The following MROH2B variants were observed in gnomAD, a reference collection of about 807,000 sequenced individuals.
The protein encoded by MROH2B is maestro heat-like repeat-containing protein family member 2B.
A neutral mutation model predicts 208.6 loss-of-function variants in MROH2B; 177 were observed. That is an observed-to-expected ratio of 0.85 (90% confidence interval 0.75 to 0.96). MROH2B has a LOEUF of 0.96. Ranked by LOEUF, MROH2B falls within the 40% of genes least tolerant of loss-of-function variation. The pLI is 0.00. For synonymous variants in MROH2B, 728 were observed against 659.0 expected, an observed-to-expected ratio of 1.10 and a Z score of -1.60; for missense variants, 2,002 against 1,878.7, an observed-to-expected ratio of 1.07 and a Z score of -1.21.
chr5:41,069,670 AT>A lies in MROH2B; in HGVS notation c.90+20del, dbSNP rs1466284295. On this transcript the variant is annotated intron_variant, in intron 2 of 41. Transcript: ENST00000399564. Reference sequence around the variant, plus strand: ...CAAGAAGACTGAAAAAGGGAAAAAGATTTTTCTCTGTTTTCCCTACCTTGTT... The same window carrying A: ...CAAGAAGACTGAAAAAGGGAAAAAGATTTTCTCTGTTTTCCCTACCTTGTT... 7.0e-6 allele frequency: 11 copies of A among 1,572,014 alleles called. 1 individual carries two copies. The African/African-American group carries it at 1.1e-4, about 15-fold the overall frequency.
Position 41,012,729 on chromosome 5 carries a change from T to G in MROH2B, c.2989A>C (p.Ser997Arg). The G allele has an allele frequency of 2.5e-6, 4 of 1,613,336 alleles. No individual in the cohort carries two copies. The highest frequency in any genetic ancestry group is 3.4e-6 in the Non-Finnish European group (4 of 1,179,640). Residue 997 changes from serine (S) to arginine (R), a missense_variant, in exon 30 of 42, where the codon AGT becomes CGT. Transcript: ENST00000399564. ...KISSKIAKIV[S>R]KFIPNEEILM... Reference sequence around the variant, plus strand: ...ATTTCTTCATTTGGGATGAACTTACTGACAATCTGAAAATGCACCCAGAAA... The same window carrying G: ...ATTTCTTCATTTGGGATGAACTTACGGACAATCTGAAAATGCACCCAGAAA...
rs536981398 is a variant in MROH2B, at chr5:41,026,089, A to G, written c.2441+6653T>C. The stretch of plus-strand genomic sequence containing the variant: ...ACGCCCAGCCAATATCATACGAATG[A>G]GCAAAAACTGGAAGCATTCCCTTTG... On this transcript the variant is annotated intron_variant, in intron 24 of 41. Coordinates refer to ENST00000399564, the MANE Select transcript of MROH2B (RefSeq NM_173489.5). 8.3e-4 allele frequency among the ~76,000 whole-genome samples: 127 copies of G among 152,158 alleles called. No homozygotes were observed. The South Asian group carries it at 8.7e-3, about 10-fold the overall frequency.
intron 24 of MROH2B, among the ~76,000 whole-genome samples, chr5:41,021,186 C>T (rs1467599418): frequency 6.6e-6 from 1 of 152,188 alleles, no homozygotes; most frequent in East Asian, 1.9e-4. Flanking sequence ...AGGAAATGAA[C>T]AATTTCATTT....
intron 18 of MROH2B, among the ~76,000 whole-genome samples, chr5:41,043,215 G>T (rs1426039564): frequency 2.0e-5 from 3 of 152,170 alleles, no homozygotes; most frequent in Non-Finnish European, 2.9e-5. Context: ...GGGGCATAAA[G>T]TTAAAAAGAG....
chr5:40,998,478 C>T (rs1438017336), intron 41 of MROH2B, 134 bp downstream of exon 41: 2 of 735,022 alleles, frequency 2.7e-6, no homozygotes, highest in Non-Finnish European at 4.5e-6. Context: ...ATTCTAGTGT[C>T]TAGAGAGCAT....
intron 7 of MROH2B, among the ~76,000 whole-genome samples, chr5:41,057,574 T>TTTTTTTTTTTTTA (rs1561304757): frequency 1.4e-5 from 2 of 142,728 alleles, no homozygotes; most frequent in African/African-American, 2.6e-5. Context: ...TTTTTTTTTT[T>TTTTTTTTTTTTTA]GAGACGGAGT....
chr5:41,019,108 A>T (rs1358020855), intron 24 of MROH2B, 90 bp from the exon 25 acceptor site: 2 of 1,510,658 alleles, frequency 1.3e-6, no homozygotes, highest in Non-Finnish European at 1.8e-6. Flanking sequence ...ATCACATCTG[A>T]CCAGGCAACT....
Position 40,999,332 on chromosome 5 carries a change from T to A in MROH2B, c.4585+345A>T, listed in dbSNP as rs1480103122. Among the ~76,000 whole-genome samples, 4 of 152,118 alleles carry A rather than the reference T, an allele frequency of 2.6e-5. No individual in the cohort carries two copies. The East Asian group carries it at 7.7e-4, about 29-fold the overall frequency. On this transcript the variant is annotated intron_variant, in intron 40 of 41. Transcript: ENST00000399564. Reference sequence around the variant, plus strand: ...AGCTTTGGATGTTGAGTATGGGTTATCTTATGGGATGAGGTGAAGAAGTGT... The same window carrying A: ...AGCTTTGGATGTTGAGTATGGGTTAACTTATGGGATGAGGTGAAGAAGTGT...
chr5:41,037,505 T>C (rs2150169480), intron 21 of MROH2B, among the ~76,000 whole-genome samples: 1 of 152,288 alleles, frequency 6.6e-6, no homozygotes, highest in South Asian at 2.1e-4. Context: ...CTTATGCAAC[T>C]AAGGTGTGAG....
chr5:41,002,546 T>G (rs1177815153), intron 37 of MROH2B, among the ~76,000 whole-genome samples: 1 of 152,180 alleles, frequency 6.6e-6, no homozygotes, highest in Non-Finnish European at 1.5e-5. Flanking sequence ...TTAATCTACA[T>G]AAAAATATTG....
At chr5:41,057,502 C>T (rs900497822) in intron 7 of MROH2B, 142 bp from the exon 8 acceptor site, 4 of 612,158 alleles carry the variant, frequency 6.5e-6, no homozygotes, top group Non-Finnish European at 8.5e-6. Context: ...ATGATTCTGG[C>T]CCCTTCCACC....
intron 24 of MROH2B, among the ~76,000 whole-genome samples, chr5:41,029,760 T>C (rs923403789): frequency 6.6e-6 from 1 of 151,996 alleles, no homozygotes; most frequent in Admixed American, 6.6e-5. Context: ...AATAGACAAA[T>C]GGACTACTTA....
chr5:41,044,857 T>C (rs1375886303), intron 18 of MROH2B, among the ~76,000 whole-genome samples: 7 of 152,214 alleles, frequency 4.6e-5, no homozygotes, highest in Non-Finnish European at 8.8e-5. Context: ...ATAAAGACCA[T>C]GATCAAAGCT....
intron 21 of MROH2B, among the ~76,000 whole-genome samples, chr5:41,036,851 A>G (rs796618313): frequency 7.0e-4 from 107 of 152,264 alleles, no homozygotes; most frequent in African/African-American, 2.5e-3. Flanking sequence ...TCTGTCCAGG[A>G]GGGGCTTCTA....
At position 41,015,451 on chromosome 5, in the gene MROH2B, T is replaced by A. The variant is rs1224550050; in HGVS notation, c.2912A>T (p.Gln971Leu). Residue 971 changes from glutamine to leucine, a missense_variant, in exon 29 of 42, where the codon CAG becomes CTG. Transcript: ENST00000399564. The part of the protein sequence containing the change: ...KGIHLEVERL[Q>L]GLQEGLESDD... ...ACTTTCCAGCCCTTCCTGCAAACCCTGCAGTCTTTCCACTTCCAAGTGAAT... is the reference window on the plus strand; with the variant it reads ...ACTTTCCAGCCCTTCCTGCAAACCCAGCAGTCTTTCCACTTCCAAGTGAAT... 1.2e-6 allele frequency: 2 copies of A among 1,613,592 alleles called. No individual in the cohort carries two copies. Among genetic ancestry groups the A allele is most frequent in the Non-Finnish European group, 1.7e-6 (2 of 1,179,640 alleles).
At chr5:41,028,063 A>G (rs1742439460) in intron 24 of MROH2B, among the ~76,000 whole-genome samples, 1 of 152,168 alleles carries the variant, frequency 6.6e-6, no homozygotes, top group South Asian at 2.1e-4. Context: ...GGGGAGGGAT[A>G]GCATTAGGAG....
chr5:41,015,545 A>G (rs1230805558), intron 28 of MROH2B, 67 bp from the exon 29 acceptor site: 2 of 1,375,478 alleles, frequency 1.5e-6, no homozygotes, highest in Non-Finnish European at 2.0e-6. Flanking sequence ...GAGGCTGGCT[A>G]TATTTTGATA....
chr5:41,014,132 C>G (rs1043574396), intron 29 of MROH2B, among the ~76,000 whole-genome samples: 1 of 152,140 alleles, frequency 6.6e-6, no homozygotes, highest in Non-Finnish European at 1.5e-5. Context: ...AGTGTATTGT[C>G]ATAACGTACT....
chr5:41,023,272 G>T (rs552499755), intron 24 of MROH2B, among the ~76,000 whole-genome samples: 2 of 152,140 alleles, frequency 1.3e-5, no homozygotes, highest in South Asian at 2.1e-4. Context: ...CGAACCCATC[G>T]CAAGGAAGCT....
Sources: gnomAD v4.1 joint callset for allele counts (sites outside exome capture counted in the v4.1 genomes callset) on GRCh38, gnomAD v4.1.1 for gene constraint, MANE v1.5 for transcripts, NCBI Gene and HGNC (gene_info 2026-07-23, HGNC 2026-07-21) for gene names.